SLC5A11: variants seen among roughly 807,000 people sequenced by gnomAD.
SLC5A11 encodes the protein sodium/myo-inositol cotransporter 2.
A neutral mutation model predicts 69.8 loss-of-function variants in SLC5A11; 48 were observed. The observed-to-expected ratio is 0.69, with a 90% CI of 0.55 to 0.87. The LOEUF (loss-of-function observed/expected upper bound fraction) is 0.87. Among genes scored for constraint, SLC5A11 ranks in the 40% least tolerant of loss-of-function variants. The pLI is 0.00. For missense variants in SLC5A11, 784 were observed against 866.1 expected (o/e 0.91, Z 1.19); for synonymous variants, 319 against 342.4 (o/e 0.93, Z 0.75).
chr16:24,905,286 A>C lies in SLC5A11; in HGVS notation c.1007-1371A>C, dbSNP rs943782859. 1.4e-4 allele frequency among the ~76,000 whole-genome samples: 20 copies of C among 141,616 alleles called. 1 individual carries two copies. The highest frequency in any genetic ancestry group is 1.0e-3 in the Admixed American group (14 of 14,064). 92.9% of individuals were successfully genotyped at this position (141,616 alleles called of 152,430 possible). On this transcript the variant is annotated intron_variant, in intron 10 of 15. Transcript: ENST00000347898. Reference sequence around the variant, plus strand: ...TAAAAATACAAAAAAAAAAAAAAAAAAAAAAAAAAACCTGGGTGTGGTGGC... The same window carrying C: ...TAAAAATACAAAAAAAAAAAAAAAACAAAAAAAAAACCTGGGTGTGGTGGC...
intron 4 of SLC5A11, among the ~76,000 whole-genome samples, chr16:24,870,960 T>C (rs1303259682): frequency 1.3e-5 from 2 of 151,988 alleles, no homozygotes; most frequent in African/African-American, 4.8e-5. Flanking sequence ...ACCTCTGAGA[T>C]ACTCAAGGGA....
At chr16:24,875,695 A>G in exon 6 of SLC5A11, 1 of 1,613,474 alleles carries the variant, frequency 6.2e-7, no homozygotes, top group Middle Eastern at 1.7e-4. Flanking sequence ...TCCTGGCTGT[A>G]CTCTACCTAT....
chr16:24,878,807 T>G (rs956305767), intron 7 of SLC5A11, among the ~76,000 whole-genome samples: 50 of 151,952 alleles, frequency 3.3e-4, no homozygotes, highest in Non-Finnish European at 5.9e-4. Context: ...CCGAGGCGGG[T>G]GGATCACCTG....
chr16:24,907,940 G>C, intron 12 of SLC5A11, 23 bp from the exon 14 acceptor site: 1 of 1,613,160 alleles, frequency 6.2e-7, no homozygotes, highest in Non-Finnish European at 8.5e-7. Flanking sequence ...ATGCTAATTT[G>C]TGCCTCTCGC....
At chr16:24,892,818 C>T (rs1470799199) in intron 9 of SLC5A11, among the ~76,000 whole-genome samples, 1 of 152,078 alleles carries the variant, frequency 6.6e-6, no homozygotes, top group African/African-American at 2.4e-5. Context: ...ATAGGCCAGC[C>T]CTCCTTTGAG....
chr16:24,885,357 A>G (rs2048327058), intron 8 of SLC5A11, among the ~76,000 whole-genome samples: 1 of 151,180 alleles, frequency 6.6e-6, no homozygotes, highest in African/African-American at 2.4e-5. Flanking sequence ...CTTAAAGACT[A>G]CAACAAAGGC....
chr16:24,900,551 T>C (rs274098), intron 10 of SLC5A11, among the ~76,000 whole-genome samples: 32,417 of 152,044 alleles, frequency 0.21, 4,338 homozygotes, highest in East Asian at 0.45. Context: ...AGTTAAGAAC[T>C]GGGATCTGGG....
chr16:24,884,513 GTTTTTTTTTT>G (rs10572531), intron 8 of SLC5A11, among the ~76,000 whole-genome samples: 6 of 110,258 alleles, frequency 5.4e-5, no homozygotes, highest in African/African-American at 2.0e-4. Flanking sequence ...TTTTTATTTT[GTTTTTTTTTT>G]TTTTTTTTGT....
chr16:24,868,271 G>T (rs1224813100), intron 3 of SLC5A11, among the ~76,000 whole-genome samples: 3 of 146,612 alleles, frequency 2.0e-5, no homozygotes, highest in Non-Finnish European at 4.5e-5. Flanking sequence ...TAACACAAAT[G>T]CTTTACAGAT....
Position 24,870,021 on chromosome 16 carries a change from A to C in SLC5A11, c.312+16A>C. The C allele has an allele frequency of 6.4e-7, 1 of 1,560,458 alleles. No homozygotes were observed. Among genetic ancestry groups the C allele is most frequent in the Non-Finnish European group, 8.8e-7 (1 of 1,131,222 alleles). On this transcript the variant is annotated intron_variant, in intron 4 of 15. Coordinates refer to ENST00000347898, the Ensembl canonical transcript of SLC5A11. ...TGAACTTAATGTAAGTATTTTACCTAGGGCATAGATGACATCTTACCTCTA... is the reference window on the plus strand; with the variant it reads ...TGAACTTAATGTAAGTATTTTACCTCGGGCATAGATGACATCTTACCTCTA...
chr16:24,849,593 A>AAAAAAAATATATATATATATATATAT, intron 1 of SLC5A11, among the ~76,000 whole-genome samples: 2 of 35,910 alleles, frequency 5.6e-5, no homozygotes, highest in Non-Finnish European at 1.1e-4. Flanking sequence ...AAAAAAAAAA[A>AAAAAAAATATATATATATATATATAT]ATATATATAT....
At chr16:24,889,736 CAG>C (rs2048650820) in intron 8 of SLC5A11, among the ~76,000 whole-genome samples, 1 of 151,530 alleles carries the variant, frequency 6.6e-6, no homozygotes, top group African/African-American at 2.4e-5. Flanking sequence ...TTAGTAGAGA[CAG>C]GGTTTCACCA....
chr16:24,880,985 A>T (rs535296269), intron 7 of SLC5A11, among the ~76,000 whole-genome samples: 1 of 152,146 alleles, frequency 6.6e-6, no homozygotes, highest in Admixed American at 6.5e-5. Flanking sequence ...AGGAGGATCA[A>T]CTGAGGTCTG....
chr16:24,866,599 T>A lies in SLC5A11; in HGVS notation c.208-3302T>A, dbSNP rs1437334432. On this transcript the variant is annotated intron_variant, in intron 3 of 15. Transcript: ENST00000347898. ...CTAAAAAAAAAAAAAAAGATACGAA[T>A]GACTGAAAGTAAAAGTAAAAGGATG... Among the ~76,000 whole-genome samples the A allele has an allele frequency of 2.7e-5, 4 of 148,242 alleles. No individual in the cohort carries two copies. The East Asian group carries it at 5.8e-4, about 22-fold the overall frequency.
intron 10 of SLC5A11, among the ~76,000 whole-genome samples, chr16:24,899,086 G>A (rs2049394114): frequency 6.6e-6 from 1 of 152,140 alleles, no homozygotes; most frequent in South Asian, 2.1e-4. Context: ...CCTAAATTCT[G>A]GGATTACAGG....
intron 8 of SLC5A11, among the ~76,000 whole-genome samples, chr16:24,886,338 C>T (rs2048396406): frequency 6.6e-6 from 1 of 151,954 alleles, no homozygotes; most frequent in Non-Finnish European, 1.5e-5. Context: ...CGGCTGAAAA[C>T]AAACAGGAGT....
chr16:24,851,251 G>A (rs551784130), intron 1 of SLC5A11, among the ~76,000 whole-genome samples: 18 of 151,158 alleles, frequency 1.2e-4, no homozygotes, highest in African/African-American at 3.9e-4. Flanking sequence ...AGTGGCTCAC[G>A]CCTGTAATCC....
chr16:24,874,949 A>C (rs962451747), intron 5 of SLC5A11, among the ~76,000 whole-genome samples: 1 of 152,044 alleles, frequency 6.6e-6, no homozygotes, highest in African/African-American at 2.4e-5. Context: ...TCTTTGAGGA[A>C]GTAACTTGTC....
intron 7 of SLC5A11, 134 bp from the exon 9 acceptor site, chr16:24,883,917 C>T (rs549553703): frequency 5.5e-6 from 4 of 721,282 alleles, no homozygotes; most frequent in Admixed American, 2.2e-5. Context: ...GAGGAGTGAT[C>T]GTGGCCATCT....
Sources: allele counts gnomAD v4.1 joint callset (sites outside exome capture counted in the v4.1 genomes callset), GRCh38; gene constraint gnomAD v4.1.1; transcripts MANE v1.5; gene names NCBI Gene and HGNC (gene_info 2026-07-23, HGNC 2026-07-21).